The following UGT1A9 variants were observed in gnomAD, a reference collection of about 807,000 sequenced individuals.
UGT1A9 encodes the protein UDP glucuronosyltransferase family 1 member A9.
UGT1A9 carries 35 observed loss-of-function variants against 45.0 expected under a neutral mutation model. That is an observed-to-expected ratio of 0.78 (90% CI 0.59 to 1.03). The LOEUF (loss-of-function observed/expected upper bound fraction) is 1.03. UGT1A9 is among the 50% of genes least tolerant of loss of function. The pLI, the probability that UGT1A9 is intolerant of heterozygous loss-of-function variation, is 0.00. For missense variants in UGT1A9, 687 were observed against 666.6 expected (o/e 1.03, Z -0.34); for synonymous variants, 278 against 250.6 (o/e 1.11, Z -1.03).
chr2:233,690,516 T>C, intron 1 of UGT1A9: 1 of 1,289,796 alleles, frequency 7.8e-7, no homozygotes, highest in Non-Finnish European at 1.0e-6. Flanking sequence ...TTGTTTTATC[T>C]TAGGATCTAC....
intron 1 of UGT1A9, chr2:233,755,812 A>C (rs1456850451): frequency 6.6e-6 from 1 of 152,248 alleles, no homozygotes; most frequent in African/African-American, 2.4e-5. Context: ...ATTAAAACAG[A>C]ATTAAAAAGA....
At chr2:233,720,769 G>A (rs1374980919) in intron 1 of UGT1A9, among the ~76,000 whole-genome samples, 1 of 151,034 alleles carries the variant, frequency 6.6e-6, no homozygotes, top group Non-Finnish European at 1.5e-5. Flanking sequence ...GCAGTGGCCG[G>A]ATCTCCGCTC....
intron 1 of UGT1A9, chr2:233,717,759 G>A (rs1415784532): frequency 2.2e-6 from 1 of 456,590 alleles, no homozygotes; most frequent in East Asian, 6.9e-5. Flanking sequence ...CCCTAGAAAG[G>A]CACACATTTA....
intron 1 of UGT1A9, chr2:233,691,728 C>A: frequency 1.2e-6 from 1 of 804,008 alleles, no homozygotes; most frequent in Non-Finnish European, 1.5e-6. Context: ...GGTGGCTGGG[C>A]CAGAAGCAGA....
chr2:233,772,468 T>C lies in UGT1A9; in HGVS notation c.1502T>C (p.Phe501Ser). ...TTGGCCGTCGTGCTGACAGTGGCCTTCATCACCTTTAAATGTTGTGCTTAT... is the reference window on the plus strand; with the variant it reads ...TTGGCCGTCGTGCTGACAGTGGCCTCCATCACCTTTAAATGTTGTGCTTAT... ...FLLAVVLTVA[F>S]ITFKCCAYGY... The change falls in exon 5 of 5, where the codon TTC becomes TCC. Residue 501 changes from phenylalanine to serine, a missense_variant. Coordinates refer to ENST00000354728, the MANE Select transcript of UGT1A9 (RefSeq NM_021027.3). 1 of 1,614,162 alleles carries C rather than the reference T, an allele frequency of 6.2e-7. No individual in the cohort carries two copies. Among genetic ancestry groups the C allele is most frequent in the South Asian group, 1.1e-5 (1 of 91,082 alleles).
At chr2:233,743,688 A>T (rs1211697299) in intron 1 of UGT1A9, 1 of 1,367,244 alleles carries the variant, frequency 7.3e-7, no homozygotes, top group African/African-American at 1.5e-5. Flanking sequence ...CCGCCTGTGC[A>T]GCCGCCCTCC....
intron 1 of UGT1A9, among the ~76,000 whole-genome samples, chr2:233,674,906 A>G (rs1197331461): frequency 6.6e-6 from 1 of 152,216 alleles, no homozygotes; most frequent in Non-Finnish European, 1.5e-5. Context: ...TCCTTGTTTC[A>G]GATGCCAGGA....
chr2:233,733,661 T>C (rs1200789776), intron 1 of UGT1A9, among the ~76,000 whole-genome samples: 1 of 152,240 alleles, frequency 6.6e-6, no homozygotes, highest in African/African-American at 2.4e-5. Context: ...GAAGCCGACT[T>C]GATCGATGTG....
chr2:233,742,752 T>C (rs1692089245), intron 1 of UGT1A9: 2 of 152,902 alleles, frequency 1.3e-5, no homozygotes, highest in Admixed American at 1.3e-4. Flanking sequence ...CTCCAAAATA[T>C]TAAGATAATA....
At chr2:233,725,334 T>G (rs2077438073) in intron 1 of UGT1A9, among the ~76,000 whole-genome samples, 1 of 108,502 alleles carries the variant, frequency 9.2e-6, no homozygotes, top group Admixed American at 9.8e-5. Context: ...TCAACAATCT[T>G]AAGTCCAATA....
At position 233,772,434 on chromosome 2, in the gene UGT1A9, G is replaced by A; in HGVS notation, c.1468G>A (p.Gly490Ser). The change falls in exon 5 of 5, where the codon GGT (glycine) becomes AGT (serine). Residue 490 changes from glycine to serine, a missense_variant. Physicochemically the swap from Gly to Ser is moderately conservative, Grantham distance 56 (BLOSUM62 0). Coordinates refer to ENST00000354728, the MANE Select transcript of UGT1A9 (RefSeq NM_021027.3). ...CCAGTACCATTCCTTGGACGTGATT[G>A]GTTTCCTCTTGGCCGTCGTGCTGAC... ...WYQYHSLDVI[G>S]FLLAVVLTVA... The A allele has an allele frequency of 1.2e-6, 2 of 1,614,176 alleles. No individual in the cohort carries two copies. Among genetic ancestry groups the A allele is most frequent in the Non-Finnish European group, 1.7e-6 (2 of 1,180,036 alleles).
intron 1 of UGT1A9, chr2:233,691,797 T>C (rs965810933): frequency 4.5e-6 from 1 of 224,276 alleles, no homozygotes; most frequent in Admixed American, 6.5e-5. Context: ...AGACTTATAC[T>C]TCTCAAATCT....
intron 1 of UGT1A9, among the ~76,000 whole-genome samples, chr2:233,695,248 C>G (rs1273194051): frequency 6.6e-6 from 1 of 151,840 alleles, no homozygotes; most frequent in East Asian, 1.9e-4. Flanking sequence ...GCCTCAGCCT[C>G]CTGAGTAGCT....
rs772418161 is a variant in UGT1A9, at chr2:233,672,599, G to A, written c.665G>A (p.Arg222His). Residue 222 changes from arginine to histidine, a missense_variant, in exon 1 of 5, where the codon CGT becomes CAT. Physicochemically the swap from Arg to His is conservative, Grantham distance 29. Transcript: ENST00000354728. ...MHLEEHLLCH[R>H]FFKNALEIAS... ...TTGGAGGAACATTTATTATGCCACC[G>A]TTTTTTCAAAAATGCCCTAGAAATA... 38 of 1,613,822 alleles carry A rather than the reference G, an allele frequency of 2.4e-5. No individual in the cohort carries two copies. Among genetic ancestry groups the A allele is most frequent in the South Asian group, 1.5e-4 (14 of 91,074 alleles).
rs576749742 is a variant in UGT1A9 at position 233,672,269 on chromosome 2, C to T, written c.335C>T (p.Ser112Leu). The T allele has an allele frequency of 3.1e-6, 5 of 1,613,874 alleles. No homozygotes were observed. The highest frequency in any genetic ancestry group is 1.1e-5 in the South Asian group (1 of 91,070). The change falls in exon 1 of 5, where the codon TCA becomes TTA. Residue 112 changes from serine to leucine, a missense_variant. Transcript: ENST00000354728. Reference protein sequence around the residue: ...VRSIYSLLMGSYNDIFDLFFS... With the variant: ...VRSIYSLLMGLYNDIFDLFFS... ...AGTATATATTCTCTATTAATGGGTTCATACAATGACATTTTTGACTTATTT... is the reference window on the plus strand; with the variant it reads ...AGTATATATTCTCTATTAATGGGTTTATACAATGACATTTTTGACTTATTT...
chr2:233,730,949 G>A (rs1036759717), intron 1 of UGT1A9, among the ~76,000 whole-genome samples: 16 of 152,150 alleles, frequency 1.1e-4, no homozygotes, highest in African/African-American at 1.4e-4. Flanking sequence ...TTTGGGTTTC[G>A]TTGAAATGGT....
At chr2:233,762,172 G>A (rs964461264) in intron 1 of UGT1A9, among the ~76,000 whole-genome samples, 8 of 152,040 alleles carry the variant, frequency 5.3e-5, no homozygotes, top group East Asian at 3.9e-4. Flanking sequence ...TGTATGCGGC[G>A]TCCTCAACAC....
chr2:233,761,269 T>C, intron 1 of UGT1A9: 1 of 1,591,986 alleles, frequency 6.3e-7, no homozygotes, highest in Non-Finnish European at 8.6e-7. Context: ...TAAAATGCCC[T>C]CTTTTGTTAA....
At chr2:233,704,256 C>CTTTTTTTTTTTT (rs59925871) in intron 1 of UGT1A9, among the ~76,000 whole-genome samples, 5 of 123,642 alleles carry the variant, frequency 4.0e-5, no homozygotes, top group African/African-American at 6.5e-5. Context: ...GCCTTTATTG[C>CTTTTTTTTTTTT]TTTTTTTTTT....
Sources: gnomAD v4.1 joint callset for allele counts (sites outside exome capture counted in the v4.1 genomes callset) on GRCh38, gnomAD v4.1.1 for gene constraint, MANE v1.5 for transcripts, NCBI Gene and HGNC (gene_info 2026-07-23, HGNC 2026-07-21) for gene names.